The following DNM2 variants were observed in gnomAD, a reference collection of about 807,000 sequenced individuals.
DNM2 encodes dynamin-2.
In DNM2, 15 loss-of-function variants were observed where a neutral mutation model predicts 99.0. That is an observed-to-expected ratio of 0.15 (90% CI 0.10 to 0.23). The LOEUF is 0.23. DNM2 is among the 10% of genes least tolerant of loss of function. The probability of loss-of-function intolerance (pLI) is 1.00; values close to 1 mark genes in which losing one functional copy is unlikely to be tolerated. For synonymous variants in DNM2, 525 were observed against 481.2 expected, an observed-to-expected ratio of 1.09 and a Z score of -1.19; for missense variants, 742 against 1,189.4, an observed-to-expected ratio of 0.62 and a Z score of 5.53.
intron 2 of DNM2, among the ~76,000 whole-genome samples, chr19:10,766,914 G>A (rs1256607739): frequency 1.3e-5 from 2 of 152,162 alleles, no homozygotes; most frequent in African/African-American, 4.8e-5. Flanking sequence ...GAGGGGGCCC[G>A]GGCTGACCCT....
intron 7 of DNM2, among the ~76,000 whole-genome samples, chr19:10,790,472 T>G (rs982454843): frequency 1.3e-4 from 20 of 152,026 alleles, no homozygotes; most frequent in Middle Eastern, 3.4e-3. Context: ...TATTTGGTGG[T>G]TTTTTTTGTT....
chr19:10,756,483 G>A (rs1285074648), intron 1 of DNM2, among the ~76,000 whole-genome samples: 1 of 152,204 alleles, frequency 6.6e-6, no homozygotes. Flanking sequence ...CTCCTCATCA[G>A]CCGAATGGGA....
intron 5 of DNM2, among the ~76,000 whole-genome samples, chr19:10,780,492 T>C (rs767445486): frequency 6.6e-6 from 1 of 152,174 alleles, no homozygotes. Context: ...TTCTCTGCCT[T>C]CCTTCCTGTT....
At chr19:10,822,835 G>C (rs900520136) in intron 16 of DNM2, among the ~76,000 whole-genome samples, 2 of 149,372 alleles carry the variant, frequency 1.3e-5, no homozygotes, top group African/African-American at 4.9e-5. Flanking sequence ...GGCCGGGCAC[G>C]GGGGCTCACG....
At position 10,805,958 on chromosome 19, in the gene DNM2, C is replaced by T. The variant is rs753490566; in HGVS notation, c.1536C>T (p.Ile512=). Residue 512 remains isoleucine, a synonymous_variant, in exon 13 of 21, where the codon ATC becomes ATT. Transcript: ENST00000389253. ...RSTQLNKKRA[I]PNQGEILVIR... is the part of the protein sequence containing the mutation. ...CGCAGCTGAACAAGAAGAGAGCCAT[C>T]CCCAATCAGGTAGCACACCCCTCTG... 5 of 1,614,044 alleles carry T rather than the reference C, an allele frequency of 3.1e-6. No homozygotes were observed. The highest frequency in any genetic ancestry group is 4.2e-6 in the Non-Finnish European group (5 of 1,180,046).
At chr19:10,786,770 C>A in intron 7 of DNM2, 64 bp downstream of exon 7, 2 of 1,607,738 alleles carry the variant, frequency 1.2e-6, no homozygotes, top group Non-Finnish European at 8.5e-7. Context: ...GCCACAGGGC[C>A]CCCTAGGCTG....
intron 1 of DNM2, among the ~76,000 whole-genome samples, chr19:10,721,302 G>A (rs778606316): frequency 6.6e-6 from 1 of 152,034 alleles, no homozygotes; most frequent in South Asian, 2.1e-4. Context: ...GATTACAGGC[G>A]CGCGTTACCA....
chr19:10,784,459 G>A (rs1198078160), intron 6 of DNM2, among the ~76,000 whole-genome samples: 2 of 152,214 alleles, frequency 1.3e-5, no homozygotes, highest in African/African-American at 2.4e-5. Context: ...TCCGCAGCTG[G>A]CTGGGGCCTC....
intron 11 of DNM2, 69 bp from the exon 12 acceptor site, chr19:10,802,219 A>C: frequency 6.5e-7 from 1 of 1,548,388 alleles, no homozygotes; most frequent in East Asian, 2.2e-5. Context: ...AGGCCAGGAA[A>C]TGCTCTTGCC....
Position 10,829,089 on chromosome 19 carries a change from CCAGAGCAGCCTCATGGAGGAGTCGGCT to C in DNM2, c.2113_2139del (p.Gln705_Ala713del). On this transcript the variant is annotated inframe_deletion, in exon 19 of 21. Coordinates refer to ENST00000389253, the MANE Select transcript of DNM2 (RefSeq NM_001005361.3). ...TGGCCTACCTATACTCCTCGGCAGA[CCAGAGCAGCCTCATGGAGGAGTCGGCT>C]GACCAGGCACAGCGGCGGGACGACA... 6.2e-7 allele frequency: 1 copy of C among 1,613,974 alleles called. No homozygotes were observed. Among genetic ancestry groups the C allele is most frequent in the Non-Finnish European group, 8.5e-7 (1 of 1,179,998 alleles).
chr19:10,743,226 C>T (rs1053907503), intron 1 of DNM2, among the ~76,000 whole-genome samples: 9 of 151,936 alleles, frequency 5.9e-5, no homozygotes, highest in African/African-American at 1.5e-4. Context: ...CTTCTTTTGC[C>T]GTGCAGCTAG....
chr19:10,731,541 A>G (rs2069318328), intron 1 of DNM2, among the ~76,000 whole-genome samples: 1 of 151,602 alleles, frequency 6.6e-6, no homozygotes, highest in Admixed American at 6.6e-5. Context: ...TTTAGTAGAG[A>G]TGGGGTTTTG....
chr19:10,744,585 C>T (rs951230139), intron 1 of DNM2, among the ~76,000 whole-genome samples: 8 of 152,110 alleles, frequency 5.3e-5, no homozygotes, highest in East Asian at 1.9e-4. Flanking sequence ...TGCCCGGCTG[C>T]CTGCCTCTAG....
At chr19:10,802,427 G>A (rs2072186529) in intron 12 of DNM2, 69 bp downstream of exon 12, 1 of 1,556,706 alleles carries the variant, frequency 6.4e-7, no homozygotes, top group Non-Finnish European at 8.9e-7. Context: ...GGAGGTGACT[G>A]AGTTGGGATT....
In DNM2 at chr19:10,812,918, G is replaced by A. The variant is rs1302871173; in HGVS notation, c.1671+541G>A. On this transcript the variant is annotated intron_variant, in intron 15 of 20. Coordinates refer to ENST00000389253, the MANE Select transcript of DNM2 (RefSeq NM_001005361.3). This position sits in a 1 kb window ranked among gnomAD's most constrained non-coding sequence, Gnocchi z 4.0. ...CTAGAGTGCAAAAGGGAGATGGAGG[G>A]TGATGGAGTCACTAGCAGGCTAGAA... is the stretch of plus-strand genomic sequence containing the variant. Among the ~76,000 whole-genome samples, 1 of 152,372 alleles carries A rather than the reference G, an allele frequency of 6.6e-6. No individual in the cohort carries two copies. Among genetic ancestry groups the A allele is most frequent in the South Asian group, 2.1e-4 (1 of 4,830 alleles).
At chr19:10,725,612 GT>G (rs781482023) in intron 1 of DNM2, among the ~76,000 whole-genome samples, 11 of 152,106 alleles carry the variant, frequency 7.2e-5, no homozygotes, top group Non-Finnish European at 1.5e-4. Flanking sequence ...CTGGGCCTCA[GT>G]TTCCTCATCT....
Position 10,831,723 on chromosome 19 carries a change from G to T in DNM2, c.*676G>T. On this transcript the variant is annotated 3_prime_UTR_variant, in exon 21 of 21. Transcript: ENST00000389253. This position sits in a 1 kb window ranked among gnomAD's most constrained non-coding sequence, Gnocchi z 4.3. The stretch of plus-strand genomic sequence containing the variant: ...GGGTGGCTGGGCTTGGGCTATGTGG[G>T]TGGTGGTGGCGGGGGGTCTTGGGGG... 1 of 986,472 alleles carries T rather than the reference G, an allele frequency of 1.0e-6. No homozygotes were observed. The highest frequency in any genetic ancestry group is 1.2e-6 in the Non-Finnish European group (1 of 830,474). 61.1% of individuals were successfully genotyped at this position (986,472 alleles called of 1,614,324 possible).
intron 1 of DNM2, among the ~76,000 whole-genome samples, chr19:10,722,273 G>A (rs933547857): frequency 1.3e-5 from 2 of 152,100 alleles, no homozygotes; most frequent in African/African-American, 4.8e-5. Context: ...ACTCACCCAG[G>A]CCTAGATCAT....
At chr19:10,786,901 T>C (rs1230927013) in intron 7 of DNM2, among the ~76,000 whole-genome samples, 195 bp downstream of exon 7, 4 of 152,234 alleles carry the variant, frequency 2.6e-5, no homozygotes, top group Admixed American at 2.6e-4. Context: ...TGTCCGTCCC[T>C]GCCCCTGGAG....
Sources: gnomAD v4.1 joint callset for allele counts (sites outside exome capture counted in the v4.1 genomes callset) on GRCh38, gnomAD v4.1.1 for gene constraint, Gnocchi (gnomAD v3.1) non-coding constraint, MANE v1.5 for transcripts, NCBI Gene and HGNC (gene_info 2026-07-23, HGNC 2026-07-21) for gene names.